Variants in GOLIM4 observed in about 807,000 individuals in gnomAD.
The protein encoded by GOLIM4 is 130 kDa golgi-localized phosphoprotein.
A neutral mutation model predicts 107.4 loss-of-function variants in GOLIM4; 71 were observed. The ratio of observed to expected loss-of-function variants is 0.66; its 90% confidence interval spans 0.55 to 0.81. The LOEUF (loss-of-function observed/expected upper bound fraction) is 0.81, where lower values mean the gene tolerates loss of function less well. Among genes scored for constraint, GOLIM4 ranks in the 30% least tolerant of loss-of-function variants. The pLI is 0.00. For missense variants in GOLIM4, 830 were observed against 826.1 expected (o/e 1.00, Z -0.06); for synonymous variants, 327 against 294.8 (o/e 1.11, Z -1.12).
intron 1 of GOLIM4, among the ~76,000 whole-genome samples, chr3:168,054,088 CAG>C (rs1719799516): frequency 6.6e-6 from 1 of 152,230 alleles, no homozygotes; most frequent in Non-Finnish European, 1.5e-5. Context: ...CAACCTCTCA[CAG>C]ATGACTCCCA....
At chr3:168,038,447 C>T (rs936835301) in intron 7 of GOLIM4, among the ~76,000 whole-genome samples, 2 of 152,156 alleles carry the variant, frequency 1.3e-5, no homozygotes, top group Non-Finnish European at 2.9e-5. Context: ...GCCCAGGTAC[C>T]TGTGATGCAG....
At chr3:168,012,508 G>A (rs1717108071) in intron 14 of GOLIM4, among the ~76,000 whole-genome samples, 2 of 142,370 alleles carry the variant, frequency 1.4e-5, no homozygotes, top group African/African-American at 6.1e-5. Flanking sequence ...AGCAAGGCAG[G>A]CCAACGTTCA....
chr3:168,040,828 T>C lies in GOLIM4; in HGVS notation c.642A>G (p.Val214=), dbSNP rs186444357. The C allele has an allele frequency of 8.1e-6, 13 of 1,613,308 alleles. No individual in the cohort carries two copies. In the African/African-American group the frequency reaches 1.5e-4, roughly 18 times the overall value. Residue 214 remains valine, a synonymous_variant, in exon 7 of 16, where the codon GTA becomes GTG. Transcript: ENST00000470487. ...KNLLSEHEQL[V]VTLEDHKSAL... is the part of the protein sequence containing the mutation. ...CACTCTTGTGGTCTTCCAAAGTCACTACAAGTTGTTCATGCTCGGAGAGTA... is the reference window on the plus strand; with the variant it reads ...CACTCTTGTGGTCTTCCAAAGTCACCACAAGTTGTTCATGCTCGGAGAGTA...
intron 1 of GOLIM4, among the ~76,000 whole-genome samples, chr3:168,081,291 C>G (rs1721351430): frequency 6.6e-6 from 1 of 152,188 alleles, no homozygotes; most frequent in South Asian, 2.1e-4. Context: ...CCTTATGGAG[C>G]CTGCCTAGAT....
At position 168,032,690 on chromosome 3, in the gene GOLIM4, C is replaced by G; in HGVS notation, c.1006G>C (p.Glu336Gln). The stretch of plus-strand genomic sequence containing the variant: ...TCCAGGGCCTTTCTGTGCTCCTCTT[C>G]CACCTGATGCTCCTCAGGTTCTCTG... ...ERREPEEHQV[E>Q]EEHRKALEEE... Residue 336 changes from glutamate (E) to glutamine (Q), a missense_variant, in exon 9 of 16, where the codon GAA becomes CAA. By Grantham distance (29) the Glu-to-Gln change is conservative. Transcript: ENST00000470487. The G allele has an allele frequency of 6.2e-7, 1 of 1,614,052 alleles. No individual in the cohort carries two copies. The highest frequency in any genetic ancestry group is 1.7e-5 in the Admixed American group (1 of 60,002).
At chr3:168,062,912 G>A (rs1266024291) in intron 1 of GOLIM4, among the ~76,000 whole-genome samples, 2 of 152,168 alleles carry the variant, frequency 1.3e-5, no homozygotes, top group Non-Finnish European at 2.9e-5. Context: ...CCAAGGCGGA[G>A]GGAGTGAGAG....
At chr3:168,050,754 A>G (rs1041471699) in intron 1 of GOLIM4, among the ~76,000 whole-genome samples, 1 of 151,522 alleles carries the variant, frequency 6.6e-6, no homozygotes, top group Non-Finnish European at 1.5e-5. Flanking sequence ...GGAACAGGTG[A>G]ACTATCCAAG....
rs1308372735 is a variant in GOLIM4, at chr3:168,008,760, A to G, written c.*1509T>C. Reference sequence around the variant, plus strand: ...CAAATAATTAAATACTGCAACTGGGACATTAAAAATACAAGCTAATTTACC... The same window carrying G: ...CAAATAATTAAATACTGCAACTGGGGCATTAAAAATACAAGCTAATTTACC... On this transcript the variant is annotated 3_prime_UTR_variant, in exon 16 of 16. Coordinates refer to ENST00000470487, the MANE Select transcript of GOLIM4 (RefSeq NM_014498.5). The G allele has an allele frequency of 6.6e-6, 1 of 152,126 alleles. No homozygotes were observed. Among genetic ancestry groups the G allele is most frequent in the Non-Finnish European group, 1.5e-5 (1 of 68,000 alleles). The allele number at this position is 152,126 out of a possible 1,614,324, so 9.4% of individuals were successfully genotyped here. A position where few individuals can be genotyped will look rare whatever the true frequency, so the allele number is the denominator to read the frequency against.
At chr3:168,023,963 T>C (rs1351730855) in intron 14 of GOLIM4, among the ~76,000 whole-genome samples, 1 of 152,200 alleles carries the variant, frequency 6.6e-6, no homozygotes, top group Non-Finnish European at 1.5e-5. Context: ...TCTATCCAAA[T>C]GCATTTTATT....
chr3:168,055,514 C>G (rs1719898116), intron 1 of GOLIM4, among the ~76,000 whole-genome samples: 1 of 152,002 alleles, frequency 6.6e-6, no homozygotes, highest in Non-Finnish European at 1.5e-5. Context: ...AGAGGTGACT[C>G]AGGGCCGGGC....
intron 1 of GOLIM4, among the ~76,000 whole-genome samples, chr3:168,071,012 T>A (rs1159144679): frequency 6.6e-6 from 1 of 152,188 alleles, no homozygotes; most frequent in Non-Finnish European, 1.5e-5. Flanking sequence ...GGCTGGAAAT[T>A]CACAGTCAAA....
chr3:168,034,613 T>G (rs1718532323), intron 8 of GOLIM4, among the ~76,000 whole-genome samples: 1 of 152,142 alleles, frequency 6.6e-6, no homozygotes, highest in African/African-American at 2.4e-5. Context: ...AAAAACCACT[T>G]TGTGAGCAAA....
chr3:168,027,923 T>G (rs1718097471), intron 11 of GOLIM4, 86 bp from the exon 12 acceptor site: 5 of 815,762 alleles, frequency 6.1e-6, no homozygotes, highest in Non-Finnish European at 1.1e-5. Flanking sequence ...CCAGTGGACT[T>G]TTCTACAGAC....
rs377326205 is a variant in GOLIM4, at chr3:168,052,524, CAT to C, written c.188-4161_188-4160del. Reference sequence around the variant, plus strand: ...TAAAAGAAAAAGCAAATAATAATTCCATATGTTATTTAAACCCTTAAGTTTTT... The same window carrying C: ...TAAAAGAAAAAGCAAATAATAATTCCATGTTATTTAAACCCTTAAGTTTTT... On this transcript the variant is annotated intron_variant, in intron 1 of 15. Transcript: ENST00000470487. Among the ~76,000 whole-genome samples, 275 of 152,122 alleles carry C rather than the reference CAT, an allele frequency of 1.8e-3. 2 individuals carry two copies. The highest frequency in any genetic ancestry group is 6.2e-3 in the African/African-American group (259 of 41,474).
At chr3:168,014,268 A>G (rs555051340) in intron 14 of GOLIM4, among the ~76,000 whole-genome samples, 3,703 of 150,450 alleles carry the variant, frequency 0.025, 143 homozygotes, top group African/African-American at 0.088. Flanking sequence ...ACACCTCTAC[A>G]CAAATATACT....
intron 1 of GOLIM4, among the ~76,000 whole-genome samples, chr3:168,087,239 T>C (rs969814758): frequency 1.3e-5 from 2 of 152,176 alleles, no homozygotes; most frequent in African/African-American, 4.8e-5. Context: ...CTGATTTACA[T>C]AGCATTAATG....
chr3:168,033,309 A>G (rs1293958723), intron 8 of GOLIM4, among the ~76,000 whole-genome samples: 2 of 152,178 alleles, frequency 1.3e-5, no homozygotes, highest in African/African-American at 4.8e-5. Context: ...TACTAATTTA[A>G]AAAAGAATGC....
At chr3:168,086,909 G>A (rs999283550) in intron 1 of GOLIM4, among the ~76,000 whole-genome samples, 1 of 152,172 alleles carries the variant, frequency 6.6e-6, no homozygotes, top group Non-Finnish European at 1.5e-5. Flanking sequence ...ACAGCACAGA[G>A]CAGTGAAGGG....
chr3:168,090,823 G>C (rs1721869098), intron 1 of GOLIM4, among the ~76,000 whole-genome samples: 1 of 152,206 alleles, frequency 6.6e-6, no homozygotes, highest in African/African-American at 2.4e-5. Context: ...ATACACCATG[G>C]AATACTACTC....
Sources: allele counts gnomAD v4.1 joint callset (sites outside exome capture counted in the v4.1 genomes callset), GRCh38; gene constraint gnomAD v4.1.1; transcripts MANE v1.5; gene names NCBI Gene and HGNC (gene_info 2026-07-23, HGNC 2026-07-21).